AKNAD1: variants seen among roughly 807,000 people sequenced by gnomAD.
AKNAD1 encodes protein AKNAD1.
A neutral mutation model predicts 90.8 loss-of-function variants in AKNAD1; 67 were observed. The observed-to-expected ratio is 0.74, with a 90% confidence interval of 0.61 to 0.90. The LOEUF is 0.90. AKNAD1 is among the 40% of genes least tolerant of loss of function. AKNAD1 has a pLI of 0.00. For missense variants in AKNAD1, 957 were observed against 975.4 expected (o/e 0.98, Z 0.25); for synonymous variants, 327 against 341.4 (o/e 0.96, Z 0.46).
At chr1:108,835,229 C>T (rs1664345619) in intron 7 of AKNAD1, among the ~76,000 whole-genome samples, 173 bp from the exon 8 acceptor site, 1 of 152,166 alleles carries the variant, frequency 6.6e-6, no homozygotes, top group African/African-American at 2.4e-5. Flanking sequence ...TCCTCCAAGA[C>T]TCAGTCCAAA....
intron 5 of AKNAD1, among the ~76,000 whole-genome samples, chr1:108,847,436 A>G (rs1664732596): frequency 6.6e-6 from 1 of 150,456 alleles, no homozygotes; most frequent in South Asian, 2.1e-4. Flanking sequence ...TGACAGAATG[A>G]GACCGTGTCT....
chr1:108,838,157 T>C (rs551235777), intron 6 of AKNAD1, among the ~76,000 whole-genome samples: 4 of 152,280 alleles, frequency 2.6e-5, no homozygotes, highest in African/African-American at 9.6e-5. Context: ...TATATAAATA[T>C]ATATTTTACC....
At chr1:108,820,748 A>T in intron 13 of AKNAD1, 122 bp from the exon 14 acceptor site, 1 of 598,940 alleles carries the variant, frequency 1.7e-6, no homozygotes, top group Non-Finnish European at 2.9e-6. Context: ...AATAAATCAG[A>T]AAACTGGGAA....
At position 108,843,240 on chromosome 1, in the gene AKNAD1, C is replaced by T; in HGVS notation, c.1273G>A (p.Glu425Lys). 1 of 1,614,094 alleles carries T rather than the reference C, an allele frequency of 6.2e-7. No homozygotes were observed. ...LVLEKLQGHL[E>K]LLEQNFLATK... ...GCCAGAAAGTTCTGCTCCAGCAGTT[C>T]AAGGTGTCCCTGCAGTTTCTCCAGG... is the stretch of plus-strand genomic sequence containing the variant. The change falls in exon 6 of 16, where the codon GAA (glutamate) becomes AAA (lysine). Residue 425 changes from glutamate (E) to lysine (K), a missense_variant. By Grantham distance (56) the Glu-to-Lys change is moderately conservative. Transcript: ENST00000370001.
chr1:108,835,729 A>C (rs1394363132), intron 7 of AKNAD1, among the ~76,000 whole-genome samples: 1 of 151,378 alleles, frequency 6.6e-6, no homozygotes, highest in Non-Finnish European at 1.5e-5. Context: ...GGTTCAAGCG[A>C]TTCTCCTGCC....
intron 1 of AKNAD1, among the ~76,000 whole-genome samples, chr1:108,856,235 G>T (rs1455790034): frequency 6.6e-6 from 1 of 152,018 alleles, no homozygotes; most frequent in East Asian, 1.9e-4. Flanking sequence ...AATGACCCAA[G>T]TATCAGTCCC....
chr1:108,837,729 G>T (rs1664429082), intron 6 of AKNAD1, 23 bp from the exon 7 acceptor site: 1 of 1,612,284 alleles, frequency 6.2e-7, no homozygotes, highest in Non-Finnish European at 8.5e-7. Flanking sequence ...AAACACACAG[G>T]CATCTTCTGG....
Position 108,840,261 on chromosome 1 carries a change from A to G in AKNAD1, c.1380-2555T>C, listed in dbSNP as rs191364042. Among the ~76,000 whole-genome samples the G allele has an allele frequency of 7.2e-5, 11 of 152,338 alleles. No individual in the cohort carries two copies. The East Asian group carries it at 2.1e-3, about 29-fold the overall frequency. The stretch of plus-strand genomic sequence containing the variant: ...CAAAACACTAAGAAGAGAATTGCAT[A>G]AGGTAGCCCAGTACAAGTTAAATAT... On this transcript the variant is annotated intron_variant, in intron 6 of 15. Coordinates refer to ENST00000370001, the MANE Select transcript of AKNAD1 (RefSeq NM_152763.5).
intron 14 of AKNAD1, among the ~76,000 whole-genome samples, chr1:108,818,776 A>G (rs1663712605): frequency 6.6e-6 from 1 of 151,976 alleles, no homozygotes; most frequent in South Asian, 2.1e-4. Flanking sequence ...CAGCCTGGTC[A>G]ACATAGCGAA....
At position 108,823,835 on chromosome 1, in the gene AKNAD1, G is replaced by T. The variant is rs922122327; in HGVS notation, c.1937-147C>A. On this transcript the variant is annotated intron_variant, in intron 11 of 15. Coordinates refer to ENST00000370001, the MANE Select transcript of AKNAD1 (RefSeq NM_152763.5). ...CCCGGCTGTGTCACCAAGAGGAGTTGCCAGCCTGGGGTAACATTTGGGATT... is the reference window on the plus strand; with the variant it reads ...CCCGGCTGTGTCACCAAGAGGAGTTTCCAGCCTGGGGTAACATTTGGGATT... 2.0e-5 allele frequency: 24 copies of T among 1,213,930 alleles called. No individual in the cohort carries two copies. The African/African-American group carries it at 3.2e-4, about 16-fold the overall frequency. The allele number at this position is 1,213,930 out of a possible 1,614,324, so 75.2% of individuals were successfully genotyped here. A position where few individuals can be genotyped will look rare whatever the true frequency, so the allele number is the denominator to read the frequency against.
At chr1:108,821,512 G>C (rs12093783) in intron 13 of AKNAD1, among the ~76,000 whole-genome samples, 2,632 of 152,238 alleles carry the variant, frequency 0.017, 88 homozygotes, top group African/African-American at 0.06. Flanking sequence ...TAGGTTCCCT[G>C]GGTGCTTGCT....
In AKNAD1 at chr1:108,842,063, A is replaced by G. The variant is rs140571203; in HGVS notation, c.1379+1071T>C. Among the ~76,000 whole-genome samples the G allele has an allele frequency of 4.7e-3, 716 of 152,330 alleles. 8 individuals carry two copies. Among genetic ancestry groups the G allele is most frequent in the African/African-American group, 0.016 (684 of 41,570 alleles). ...AAATATCCTTACTCTATTAATTTTA[A>G]ATAGCAGAAGCATGCAGAGTTCTTT... is the stretch of plus-strand genomic sequence containing the variant. On this transcript the variant is annotated intron_variant, in intron 6 of 15. Transcript: ENST00000370001.
At chr1:108,831,930 C>T (rs898445202) in intron 9 of AKNAD1, among the ~76,000 whole-genome samples, 6 of 152,224 alleles carry the variant, frequency 3.9e-5, no homozygotes, top group South Asian at 2.1e-4. Context: ...TGAGCCACTG[C>T]GCCCGGCCTT....
chr1:108,852,892 AACCAC>A, intron 1 of AKNAD1, 125 bp from the exon 2 acceptor site: 2 of 373,034 alleles, frequency 5.4e-6, no homozygotes, highest in Admixed American at 4.5e-5. Context: ...CAGGAAGCTC[AACCAC>A]AAGCTGACCC....
At position 108,849,002 on chromosome 1, in the gene AKNAD1, G is replaced by A. The variant is rs1329770447; in HGVS notation, c.1092C>T (p.Ser364=). ...KLSPTSQKGT[S]SSSSYIFQKI... The stretch of plus-strand genomic sequence containing the variant: ...TTTGAAATATGTAAGAAGAACTTGA[G>A]GAAGTGCCTTTCTGAGAGGTTGGTG... The change falls in exon 4 of 16, where the codon TCC becomes TCT. Residue 364 remains serine (S), a synonymous_variant. Coordinates refer to ENST00000370001, the MANE Select transcript of AKNAD1 (RefSeq NM_152763.5). 3.1e-6 allele frequency: 5 copies of A among 1,611,178 alleles called. No individual in the cohort carries two copies. Among genetic ancestry groups the A allele is most frequent in the Non-Finnish European group, 4.2e-6 (5 of 1,179,358 alleles).
intron 5 of AKNAD1, among the ~76,000 whole-genome samples, chr1:108,845,555 C>T (rs1221990735): frequency 6.6e-6 from 1 of 152,230 alleles, no homozygotes; most frequent in African/African-American, 2.4e-5. Context: ...TTTCCCTTAG[C>T]CTTGCCCACA....
chr1:108,828,479 G>A (rs1664083804), intron 10 of AKNAD1, among the ~76,000 whole-genome samples: 1 of 151,726 alleles, frequency 6.6e-6, no homozygotes. Flanking sequence ...AGGGAAAGTT[G>A]TTCATTCTTA....
chr1:108,838,012 G>A (rs1664436653), intron 6 of AKNAD1, among the ~76,000 whole-genome samples: 1 of 152,080 alleles, frequency 6.6e-6, no homozygotes, highest in African/African-American at 2.4e-5. Flanking sequence ...ATGATTTTGA[G>A]ATCCCTTACA....
intron 14 of AKNAD1, among the ~76,000 whole-genome samples, chr1:108,818,471 A>G (rs1484579992): frequency 6.6e-6 from 1 of 152,144 alleles, no homozygotes; most frequent in Non-Finnish European, 1.5e-5. Context: ...CCCATATCCC[A>G]TCAGTCTCCA....
Sources: allele counts gnomAD v4.1 joint callset (sites outside exome capture counted in the v4.1 genomes callset), GRCh38; gene constraint gnomAD v4.1.1; transcripts MANE v1.5; gene names NCBI Gene and HGNC (gene_info 2026-07-23, HGNC 2026-07-21).